Variants in NEK3 observed in about 807,000 individuals in gnomAD.
NEK3 encodes serine/threonine-protein kinase Nek3.
NEK3 carries 54 observed loss-of-function variants against 66.0 expected under a neutral mutation model. The observed-to-expected ratio is 0.82, with a 90% CI of 0.66 to 1.03. The LOEUF (loss-of-function observed/expected upper bound fraction) is 1.03. Among genes scored for constraint, NEK3 ranks in the 50% least tolerant of loss-of-function variants. NEK3 has a pLI of 0.00. For missense variants in NEK3, 593 were observed against 603.0 expected (o/e 0.98, Z 0.17); for synonymous variants, 200 against 206.2 (o/e 0.97, Z 0.26).
intron 4 of NEK3, among the ~76,000 whole-genome samples, chr13:52,153,237 G>A (rs529380011): frequency 1.2e-4 from 18 of 152,000 alleles, no homozygotes; most frequent in African/African-American, 1.9e-4. Flanking sequence ...CTCTTGCTAC[G>A]GAGATTCTTC....
intron 5 of NEK3, 47 bp from the exon 6 acceptor site, chr13:52,151,439 A>G: frequency 6.7e-7 from 1 of 1,494,422 alleles, no homozygotes; most frequent in Non-Finnish European, 9.1e-7. Context: ...ATCATCAAAC[A>G]TGAGGCAGAT....
chr13:52,132,785 A>G lies in NEK3; in HGVS notation c.*357T>C, dbSNP rs1594018912. On this transcript the variant is annotated 3_prime_UTR_variant, in exon 16 of 16. Coordinates refer to ENST00000610828, the MANE Select transcript of NEK3 (RefSeq NM_002498.3). ...TGGTCAGCATCCCTCTGAGGTAGGCATTATTATCTTCATTTTATGGTTGAG... is the reference window on the plus strand; with the variant it reads ...TGGTCAGCATCCCTCTGAGGTAGGCGTTATTATCTTCATTTTATGGTTGAG... The G allele has an allele frequency of 9.7e-6, 2 of 206,862 alleles. No individual in the cohort carries two copies. The highest frequency in any genetic ancestry group is 3.8e-3 in the Middle Eastern group (2 of 520). 12.8% of individuals were successfully genotyped at this position (206,862 alleles called of 1,614,324 possible). A position where few individuals can be genotyped will look rare whatever the true frequency, so the allele number is the denominator to read the frequency against.
chr13:52,152,949 A>G (rs967716147), intron 4 of NEK3, among the ~76,000 whole-genome samples: 1 of 152,192 alleles, frequency 6.6e-6, no homozygotes, highest in Non-Finnish European at 1.5e-5. Context: ...TACTTATATT[A>G]TTCTTATATT....
intron 1 of NEK3, 161 bp from the exon 2 acceptor site, chr13:52,156,409 T>C (rs549768411): frequency 4.9e-5 from 19 of 385,300 alleles, no homozygotes; most frequent in Non-Finnish European, 7.6e-5. Context: ...CATGTAAGAA[T>C]TGTTTTGAGC....
intron 8 of NEK3, 118 bp downstream of exon 8, chr13:52,148,297 A>G: frequency 1.1e-6 from 1 of 931,996 alleles, no homozygotes; most frequent in Non-Finnish European, 1.7e-6. Context: ...GGAAACATAT[A>G]CAAACTTTTA....
At chr13:52,139,655 T>C (rs1956231373) in intron 11 of NEK3, among the ~76,000 whole-genome samples, 1 of 152,020 alleles carries the variant, frequency 6.6e-6, no homozygotes, top group Non-Finnish European at 1.5e-5. Flanking sequence ...TCCTAGCACT[T>C]TGGGAGGCCA....
chr13:52,145,738 A>C (rs1167347957), intron 8 of NEK3, among the ~76,000 whole-genome samples: 1 of 152,242 alleles, frequency 6.6e-6, no homozygotes, highest in Non-Finnish European at 1.5e-5. Flanking sequence ...TAACATTTTT[A>C]AAGTTTTCCA....
Position 52,151,389 on chromosome 13 carries a change from T to C in NEK3, c.397A>G (p.Ile133Val), listed in dbSNP as rs938540748. ...ACTTTTCCATTCTGAGTGAGGAAGA[T>C]ATTCTGCATTTAAAAAGAAAAGCTC... Reference protein sequence around the residue: ...VLHRDIKSKNIFLTQNGKVKL... With the variant: ...VLHRDIKSKNVFLTQNGKVKL... The change falls in exon 6 of 16, where the codon ATC (isoleucine) becomes GTC (valine). Residue 133 changes from isoleucine (I) to valine (V), a missense_variant. Coordinates refer to ENST00000610828, the MANE Select transcript of NEK3 (RefSeq NM_002498.3). 4 of 1,580,288 alleles carry C rather than the reference T, an allele frequency of 2.5e-6. No individual in the cohort carries two copies. In the South Asian group the frequency reaches 4.7e-5, roughly 18 times the overall value.
chr13:52,155,077 C>G (rs1331067147), intron 2 of NEK3, among the ~76,000 whole-genome samples: 2 of 151,994 alleles, frequency 1.3e-5, no homozygotes, highest in Non-Finnish European at 2.9e-5. Context: ...ACAAGCCCAC[C>G]TGGACCTACT....
intron 11 of NEK3, among the ~76,000 whole-genome samples, chr13:52,138,982 A>C (rs1283712912): frequency 6.6e-6 from 1 of 152,160 alleles, no homozygotes; most frequent in Admixed American, 6.5e-5. Context: ...AAAAAACATC[A>C]ATAGTACACA....
At position 52,144,693 on chromosome 13, in the gene NEK3, C is replaced by T. The variant is rs201408940; in HGVS notation, c.802G>A (p.Glu268Lys). Reference sequence around the variant, plus strand: ...AACCAATCCAACACAGATCATACCTCGGGGGGTAAGCACTTCTGGACAAGC... The same window carrying T: ...AACCAATCCAACACAGATCATACCTTGGGGGGTAAGCACTTCTGGACAAGC... ...ARLVQKCLPP[E>K]IIMEYGEEVL... The change falls in exon 9 of 16, where the codon GAG (glutamate) becomes AAG (lysine). Residue 268 changes from glutamate to lysine, a missense_variant and splice_region_variant. Glu to Lys is a moderately conservative substitution (Grantham distance 56). Transcript: ENST00000610828. 1.7e-5 allele frequency: 28 copies of T among 1,613,470 alleles called. No homozygotes were observed. Among genetic ancestry groups the T allele is most frequent in the African/African-American group, 9.3e-5 (7 of 74,894 alleles).
At chr13:52,144,418 GA>G (rs1333950469) in intron 9 of NEK3, among the ~76,000 whole-genome samples, 12 of 151,208 alleles carry the variant, frequency 7.9e-5, no homozygotes, top group African/African-American at 1.2e-4. Context: ...TCCATCTCAA[GA>G]AAAAAAAGTA....
rs781398268 is a variant in NEK3, at chr13:52,136,196, T to G, written c.1094A>C (p.Lys365Thr). The G allele has an allele frequency of 1.2e-6, 2 of 1,613,748 alleles. No individual in the cohort carries two copies. The highest frequency in any genetic ancestry group is 2.7e-5 in the African/African-American group (2 of 74,946). Reference protein sequence around the residue: ...SPNLHRRQWEKNVPNTALTAL... With the variant: ...SPNLHRRQWETNVPNTALTAL... ...TGTAAGAGCTGTATTGGGTACATTTTTCTCCCACTGTCGTCTATGAAGATT... is the reference window on the plus strand; with the variant it reads ...TGTAAGAGCTGTATTGGGTACATTTGTCTCCCACTGTCGTCTATGAAGATT... Residue 365 changes from lysine (K) to threonine (T), a missense_variant, in exon 13 of 16, where the codon AAA (lysine) becomes ACA (threonine). Transcript: ENST00000610828.
At chr13:52,158,071 T>C (rs1956409977) in intron 1 of NEK3, among the ~76,000 whole-genome samples, 1 of 152,166 alleles carries the variant, frequency 6.6e-6, no homozygotes, top group African/African-American at 2.4e-5. Flanking sequence ...GAGACGCGGT[T>C]TCTCCATGTT....
chr13:52,150,649 T>C lies in NEK3; in HGVS notation c.548+497A>G, dbSNP rs112159073. ...CATTAAGATCTTCATATTAACCTCC[T>C]GCAATCAACTTACCTTATAATCTAG... On this transcript the variant is annotated intron_variant, in intron 7 of 15. Coordinates refer to ENST00000610828, the MANE Select transcript of NEK3 (RefSeq NM_002498.3). Among the ~76,000 whole-genome samples, 10 of 120,674 alleles carry C rather than the reference T, an allele frequency of 8.3e-5. No homozygotes were observed. In the Admixed American group the frequency reaches 8.6e-4, roughly 10 times the overall value. The allele number at this position is 120,674 out of a possible 152,430, so 79.2% of individuals were successfully genotyped here.
intron 11 of NEK3, among the ~76,000 whole-genome samples, chr13:52,139,239 T>C (rs1956228829): frequency 1.3e-5 from 2 of 152,158 alleles, no homozygotes; most frequent in African/African-American, 4.8e-5. Flanking sequence ...TAAAAAGGAA[T>C]GAAGTTTTGA....
At chr13:52,146,841 C>G (rs939186924) in intron 8 of NEK3, among the ~76,000 whole-genome samples, 2 of 152,184 alleles carry the variant, frequency 1.3e-5, no homozygotes, top group Non-Finnish European at 2.9e-5. Context: ...GTTTGAGCTA[C>G]TTTCATCTGG....
intron 10 of NEK3, among the ~76,000 whole-genome samples, chr13:52,143,586 AT>A (rs1251216264): frequency 2.0e-5 from 3 of 152,186 alleles, no homozygotes; most frequent in Non-Finnish European, 4.4e-5. Flanking sequence ...TTAGTGCTAT[AT>A]TTTCATGGAT....
chr13:52,153,090 A>T (rs1217794783), intron 4 of NEK3, among the ~76,000 whole-genome samples: 1 of 152,186 alleles, frequency 6.6e-6, no homozygotes, highest in Non-Finnish European at 1.5e-5. Flanking sequence ...ATACGGTAAC[A>T]TCAAAAGATT....
Sources: allele counts gnomAD v4.1 joint callset (sites outside exome capture counted in the v4.1 genomes callset), GRCh38; gene constraint gnomAD v4.1.1; transcripts MANE v1.5; gene names NCBI Gene and HGNC (gene_info 2026-07-23, HGNC 2026-07-21).